Variants in ANKRD13C observed in about 807,000 individuals in gnomAD.
The protein encoded by ANKRD13C is ankyrin repeat domain-containing protein 13C.
In ANKRD13C, 16 loss-of-function variants were observed where a neutral mutation model predicts 65.5. That is an observed-to-expected ratio of 0.24 (90% CI 0.17 to 0.37). ANKRD13C has a LOEUF of 0.37. ANKRD13C is among the 10% of genes least tolerant of loss of function. The pLI, the probability that ANKRD13C is intolerant of heterozygous loss-of-function variation, is 1.00. For synonymous variants in ANKRD13C, 235 were observed against 238.7 expected (o/e 0.98, Z 0.14); for missense variants, 503 against 655.9 (o/e 0.77, Z 2.55).
chr1:70,326,231 C>CAAAAAAAAAAAAAAAAAAAAAAAAAAAA (rs59618915), intron 2 of ANKRD13C, among the ~76,000 whole-genome samples: 1 of 31,068 alleles, frequency 3.2e-5, no homozygotes, highest in Non-Finnish European at 6.1e-5. Flanking sequence ...AACTCTGTCT[C>CAAAAAAAAAAAAAAAAAAAAAAAAAAAA]AAAAAAAAAA....
intron 1 of ANKRD13C, among the ~76,000 whole-genome samples, chr1:70,341,808 A>C (rs891080224): frequency 6.6e-6 from 1 of 152,078 alleles, no homozygotes; most frequent in Non-Finnish European, 1.5e-5. Context: ...CTGTAGCAGG[A>C]AAGTGGCATG....
At chr1:70,323,134 A>T (rs1452925474) in intron 3 of ANKRD13C, among the ~76,000 whole-genome samples, 4 of 152,212 alleles carry the variant, frequency 2.6e-5, no homozygotes, top group Admixed American at 2.0e-4. Context: ...AACTCTTATT[A>T]TCAGTTTCTT....
At chr1:70,295,112 T>G (rs548574969) in intron 8 of ANKRD13C, among the ~76,000 whole-genome samples, 2 of 152,288 alleles carry the variant, frequency 1.3e-5, no homozygotes, top group East Asian at 3.8e-4. Context: ...CATTTCATTG[T>G]GTATAATAAA....
chr1:70,327,200 G>A (rs748157289), intron 2 of ANKRD13C, among the ~76,000 whole-genome samples: 25 of 152,246 alleles, frequency 1.6e-4, no homozygotes, highest in Non-Finnish European at 3.4e-4. Context: ...CTAACTTAGT[G>A]GCAATTAATG....
chr1:70,307,593 A>T (rs551775182), intron 5 of ANKRD13C, among the ~76,000 whole-genome samples: 1 of 152,314 alleles, frequency 6.6e-6, no homozygotes, highest in Admixed American at 6.5e-5. Context: ...TATTGTCCAG[A>T]GAGAATATTA....
At chr1:70,264,551 C>T (rs1286497924) in intron 12 of ANKRD13C, among the ~76,000 whole-genome samples, 2 of 145,536 alleles carry the variant, frequency 1.4e-5, no homozygotes, top group African/African-American at 5.1e-5. Flanking sequence ...TTTTGGAACA[C>T]AACATGCCCA....
chr1:70,337,146 A>AACACACACACACACACACAC (rs58715407), intron 1 of ANKRD13C, among the ~76,000 whole-genome samples: 1 of 145,350 alleles, frequency 6.9e-6, no homozygotes, highest in Admixed American at 7.0e-5. Flanking sequence ...CCATGATTCA[A>AACACACACACACACACACAC]ACACACACAC....
intron 11 of ANKRD13C, among the ~76,000 whole-genome samples, chr1:70,273,129 C>A (rs961625479): frequency 6.6e-6 from 1 of 152,068 alleles, no homozygotes; most frequent in African/African-American, 2.4e-5. Flanking sequence ...TGAGACTTAT[C>A]TCTCTCTGAC....
chr1:70,263,879 GTAAAT>G (rs1367926876), intron 12 of ANKRD13C, among the ~76,000 whole-genome samples: 1 of 152,140 alleles, frequency 6.6e-6, no homozygotes, highest in Non-Finnish European at 1.5e-5. Context: ...AGGGCACAGA[GTAAAT>G]TAAGTCTAAC....
chr1:70,346,099 T>C (rs1023789933), intron 1 of ANKRD13C, among the ~76,000 whole-genome samples: 1 of 152,148 alleles, frequency 6.6e-6, no homozygotes, highest in Non-Finnish European at 1.5e-5. Context: ...CCCAAAGTGC[T>C]GGGATTACAG....
chr1:70,323,646 CA>C (rs200288291), intron 3 of ANKRD13C, among the ~76,000 whole-genome samples: 133 of 143,896 alleles, frequency 9.2e-4, no homozygotes, highest in African/African-American at 3.1e-3. Context: ...GACTCCCTCT[CA>C]AAAAAAAAAA....
intron 1 of ANKRD13C, among the ~76,000 whole-genome samples, chr1:70,347,732 T>G (rs963517822): frequency 6.6e-6 from 1 of 152,112 alleles, no homozygotes; most frequent in Non-Finnish European, 1.5e-5. Context: ...GAGATGCACA[T>G]GGGGAAGAAA....
chr1:70,282,054 CTTTTTT>C (rs1228023912), intron 9 of ANKRD13C, among the ~76,000 whole-genome samples: 1 of 132,026 alleles, frequency 7.6e-6, no homozygotes. Context: ...TACATATCAT[CTTTTTT>C]TTTTTTTTTT....
chr1:70,333,176 A>G (rs1224161796), intron 2 of ANKRD13C, among the ~76,000 whole-genome samples: 3 of 152,186 alleles, frequency 2.0e-5, no homozygotes, highest in African/African-American at 7.2e-5. Flanking sequence ...TTTTTCTTCC[A>G]TAAAATGGAG....
chr1:70,304,753 C>T (rs1412834154), intron 6 of ANKRD13C, among the ~76,000 whole-genome samples: 2 of 152,086 alleles, frequency 1.3e-5, no homozygotes, highest in Non-Finnish European at 2.9e-5. Flanking sequence ...TCCAAAATTG[C>T]CTACCATCTT....
intron 2 of ANKRD13C, among the ~76,000 whole-genome samples, chr1:70,326,123 C>T (rs1268706285): frequency 2.1e-5 from 3 of 140,498 alleles, no homozygotes; most frequent in Admixed American, 1.5e-4. Flanking sequence ...CCCAGCTACT[C>T]GGGAAACTGA....
chr1:70,301,359 C>T (rs1481633742), intron 6 of ANKRD13C, among the ~76,000 whole-genome samples: 6 of 152,134 alleles, frequency 3.9e-5, no homozygotes, highest in Admixed American at 2.0e-4. Flanking sequence ...AGAAAAGGAA[C>T]ACAGACCTGT....
rs199604404 is a variant in ANKRD13C, at chr1:70,324,639, G to GA, written c.577+213dup. Among the ~76,000 whole-genome samples, 337 of 151,136 alleles carry GA rather than the reference G, an allele frequency of 2.2e-3. 3 individuals are homozygous for GA. Among genetic ancestry groups the GA allele is most frequent in the Non-Finnish European group, 3.9e-3 (264 of 67,710 alleles). On this transcript the variant is annotated intron_variant, in intron 3 of 12. Transcript: ENST00000370944. The stretch of plus-strand genomic sequence containing the variant: ...ATCAGTAAGGTAGAATGCAGCAAAA[G>GA]AAAAAAAAATTCATAATTTTAAACG...
intron 11 of ANKRD13C, among the ~76,000 whole-genome samples, chr1:70,273,496 A>ATC (rs1290232941): frequency 1.3e-5 from 2 of 152,228 alleles, no homozygotes; most frequent in Non-Finnish European, 2.9e-5. Flanking sequence ...GAGAGGATAT[A>ATC]TTCAATATGT....
Sources: allele counts gnomAD v4.1 joint callset (sites outside exome capture counted in the v4.1 genomes callset), GRCh38; gene constraint gnomAD v4.1.1; transcripts MANE v1.5; gene names NCBI Gene and HGNC (gene_info 2026-07-23, HGNC 2026-07-21).